PDGFRL: variants seen among roughly 807,000 people sequenced by gnomAD.
PDGFRL encodes the protein platelet-derived growth factor receptor-like protein.
A neutral mutation model predicts 37.2 loss-of-function variants in PDGFRL; 46 were observed. That is an observed-to-expected ratio of 1.24 (90% CI 0.98 to 1.58). PDGFRL has a LOEUF of 1.58. PDGFRL is among the 40% of genes most tolerant of loss of function. The pLI is 0.00. For synonymous variants in PDGFRL, 251 were observed against 184.3 expected (o/e 1.36, Z -2.93); for missense variants, 692 against 467.6 (o/e 1.48, Z -4.43).
At chr8:17,638,340 T>G (rs1374540367) in intron 5 of PDGFRL, among the ~76,000 whole-genome samples, 1 of 152,134 alleles carries the variant, frequency 6.6e-6, no homozygotes, top group Non-Finnish European at 1.5e-5. Context: ...AATTTCCATG[T>G]GTTTGTATGT....
intron 2 of PDGFRL, among the ~76,000 whole-genome samples, chr8:17,592,778 T>C (rs1803967722): frequency 6.6e-6 from 1 of 152,206 alleles, no homozygotes; most frequent in Non-Finnish European, 1.5e-5. Context: ...CTCTTCACAC[T>C]GAAAACTACT....
In PDGFRL at chr8:17,634,754, T is replaced by C. The variant is rs1030240243; in HGVS notation, c.939+541T>C. Among the ~76,000 whole-genome samples the C allele has an allele frequency of 2.0e-5, 3 of 152,010 alleles. No homozygotes were observed. The South Asian group carries it at 6.2e-4, about 32-fold the overall frequency. On this transcript the variant is annotated intron_variant, in intron 5 of 5. Coordinates refer to ENST00000251630, the MANE Select transcript of PDGFRL (RefSeq NM_001372073.1). ...AATACCTCATGTTCTCACTTTTAAGTGGGAGCTAAATGATTAGACTACATG... is the reference window on the plus strand; with the variant it reads ...AATACCTCATGTTCTCACTTTTAAGCGGGAGCTAAATGATTAGACTACATG...
chr8:17,604,416 T>G lies in PDGFRL; in HGVS notation c.353+14651T>G, dbSNP rs566728378. 7.2e-5 allele frequency among the ~76,000 whole-genome samples: 11 copies of G among 152,280 alleles called. No homozygotes were observed. In the East Asian group the frequency reaches 1.9e-3, roughly 27 times the overall value. Reference sequence around the variant, plus strand: ...AATACTATGCAGCCATGAAAAATGATGAGTTCATGTCCTTTGTAGGGACAT... The same window carrying G: ...AATACTATGCAGCCATGAAAAATGAGGAGTTCATGTCCTTTGTAGGGACAT... On this transcript the variant is annotated intron_variant, in intron 2 of 5. Coordinates refer to ENST00000251630, the MANE Select transcript of PDGFRL (RefSeq NM_001372073.1).
intron 2 of PDGFRL, among the ~76,000 whole-genome samples, chr8:17,592,455 C>T (rs1180715602): frequency 1.3e-5 from 2 of 152,152 alleles, no homozygotes; most frequent in Admixed American, 6.5e-5. Flanking sequence ...CTTCCCTGCT[C>T]ACCACTCGGT....
intron 2 of PDGFRL, among the ~76,000 whole-genome samples, chr8:17,595,487 A>C (rs73563749): frequency 1.6e-4 from 24 of 152,110 alleles, no homozygotes; most frequent in Non-Finnish European, 2.5e-4. Flanking sequence ...TCTGGCCCCA[A>C]CTTTCTGTCT....
At chr8:17,577,518 G>C (rs907362960) in intron 1 of PDGFRL, among the ~76,000 whole-genome samples, 3 of 151,902 alleles carry the variant, frequency 2.0e-5, no homozygotes, top group African/African-American at 4.8e-5. Context: ...CTCTAGGGGT[G>C]GTGGCAGCTA....
At chr8:17,623,678 C>T (rs1434798324) in intron 3 of PDGFRL, among the ~76,000 whole-genome samples, 1 of 152,074 alleles carries the variant, frequency 6.6e-6, no homozygotes, top group Non-Finnish European at 1.5e-5. Context: ...AGTTCGAGAA[C>T]AGCCTGGCCA....
At chr8:17,625,145 C>CT (rs1804708453) in intron 3 of PDGFRL, among the ~76,000 whole-genome samples, 1 of 126,686 alleles carries the variant, frequency 7.9e-6, no homozygotes, top group Non-Finnish European at 1.6e-5. Context: ...CCCCCCCCCG[C>CT]ATTTTTTTGT....
At chr8:17,641,658 T>C (rs1240456539) in intron 5 of PDGFRL, among the ~76,000 whole-genome samples, 1 of 152,202 alleles carries the variant, frequency 6.6e-6, no homozygotes, top group Non-Finnish European at 1.5e-5. Context: ...CCCTTGTGCA[T>C]GTTCTGCTTG....
chr8:17,595,560 C>A (rs2517157), intron 2 of PDGFRL, among the ~76,000 whole-genome samples: 123,837 of 152,080 alleles, frequency 0.81, 53,795 homozygotes, highest in Non-Finnish European at 0.96. Context: ...AGAACCTGGA[C>A]CTAAACAAAC....
At chr8:17,616,987 C>T (rs1804543628) in intron 2 of PDGFRL, among the ~76,000 whole-genome samples, 1 of 152,186 alleles carries the variant, frequency 6.6e-6, no homozygotes, top group Non-Finnish European at 1.5e-5. Flanking sequence ...TCAGCTCCCT[C>T]CTCTGTGCCA....
intron 1 of PDGFRL, among the ~76,000 whole-genome samples, chr8:17,579,563 T>A (rs1252424052): frequency 7.1e-5 from 8 of 112,884 alleles, no homozygotes; most frequent in African/African-American, 2.4e-4. Flanking sequence ...ATTGTTATTA[T>A]TATTATTATT....
At chr8:17,598,021 A>G (rs17505113) in intron 2 of PDGFRL, among the ~76,000 whole-genome samples, 11,846 of 152,232 alleles carry the variant, frequency 0.078, 627 homozygotes, top group Non-Finnish European at 0.11. Flanking sequence ...AGTTTTTACT[A>G]TCATAAATAG....
At chr8:17,577,532 C>G (rs751213688) in intron 1 of PDGFRL, among the ~76,000 whole-genome samples, 1 of 151,852 alleles carries the variant, frequency 6.6e-6, no homozygotes, top group Non-Finnish European at 1.5e-5. Flanking sequence ...GCAGCTACCC[C>G]GACCCTTAGG....
At chr8:17,602,145 C>T (rs1804177954) in intron 2 of PDGFRL, among the ~76,000 whole-genome samples, 1 of 152,182 alleles carries the variant, frequency 6.6e-6, no homozygotes, top group African/African-American at 2.4e-5. Context: ...GCTTTGGTTA[C>T]TAGCAGTTCT....
rs138550990 is a variant in PDGFRL at position 17,636,105 on chromosome 8, G to T, written c.939+1892G>T. ...TACTGATTATTTCTTTTGCTGTGCA[G>T]AAGTTTTTTAGTTTAATTAAGCCCG... On this transcript the variant is annotated intron_variant, in intron 5 of 5. Coordinates refer to ENST00000251630, the MANE Select transcript of PDGFRL (RefSeq NM_001372073.1). 5.9e-3 allele frequency among the ~76,000 whole-genome samples: 902 copies of T among 152,320 alleles called. 9 individuals are homozygous for T. The highest frequency in any genetic ancestry group is 0.02 in the African/African-American group (833 of 41,580).
intron 1 of PDGFRL, among the ~76,000 whole-genome samples, chr8:17,582,116 C>T (rs1803720120): frequency 6.6e-6 from 1 of 152,106 alleles, no homozygotes; most frequent in South Asian, 2.1e-4. Flanking sequence ...AAACAGATAA[C>T]TTATTGGGAG....
At chr8:17,614,257 T>A (rs921482929) in intron 2 of PDGFRL, among the ~76,000 whole-genome samples, 1 of 152,198 alleles carries the variant, frequency 6.6e-6, no homozygotes, top group African/African-American at 2.4e-5. Context: ...TTCCCTGAGA[T>A]CATCATGCAT....
intron 3 of PDGFRL, among the ~76,000 whole-genome samples, chr8:17,623,917 C>G (rs567742251): frequency 1.3e-5 from 2 of 149,754 alleles, no homozygotes; most frequent in African/African-American, 2.5e-5. Context: ...GGAGGCGGAA[C>G]CTTTTTGTTT....
Sources: allele counts gnomAD v4.1 joint callset (sites outside exome capture counted in the v4.1 genomes callset), GRCh38; gene constraint gnomAD v4.1.1; transcripts MANE v1.5; gene names NCBI Gene and HGNC (gene_info 2026-07-23, HGNC 2026-07-21).